Variants in FOXP1 observed in about 807,000 individuals in gnomAD.
FOXP1 encodes the protein forkhead box P1, also known as forkhead box protein P1.
In FOXP1, 15 loss-of-function variants were observed where a neutral mutation model predicts 98.2. That is an observed-to-expected ratio of 0.15 (90% CI 0.10 to 0.24). FOXP1 has a LOEUF of 0.24. Ranked by LOEUF, FOXP1 falls within the 10% of genes least tolerant of loss-of-function variation. The probability of loss-of-function intolerance (pLI) is 1.00; values close to 1 mark genes in which losing one functional copy is unlikely to be tolerated. For missense variants in FOXP1, 633 were observed against 848.5 expected (o/e 0.75, Z 3.15); for synonymous variants, 371 against 314.5 (o/e 1.18, Z -1.90).
At chr3:71,315,402 A>T (rs9790300) in intron 4 of FOXP1, among the ~76,000 whole-genome samples, 60,969 of 151,518 alleles carry the variant, frequency 0.4, 14,351 homozygotes, top group East Asian at 0.89. Flanking sequence ...TTTTGCCAAT[A>T]AAAAAAAAGA....
At chr3:71,001,571 T>G (rs1225821371) in intron 12 of FOXP1, among the ~76,000 whole-genome samples, 2 of 151,664 alleles carry the variant, frequency 1.3e-5, no homozygotes, top group African/African-American at 4.8e-5. Context: ...AGCCTACACA[T>G]GCAAATTATG....
At chr3:70,965,101 T>C (rs1325906227) in intron 20 of FOXP1, among the ~76,000 whole-genome samples, 3 of 152,226 alleles carry the variant, frequency 2.0e-5, no homozygotes, top group Non-Finnish European at 2.9e-5. Context: ...GGAGAGACTG[T>C]CATCCCACAG....
chr3:70,958,228 GA>G lies in FOXP1; in HGVS notation c.*1018del. 2 of 416,810 alleles carry G rather than the reference GA, an allele frequency of 4.8e-6. No homozygotes were observed. Among genetic ancestry groups the G allele is most frequent in the East Asian group, 9.3e-5 (2 of 21,568 alleles). 25.8% of individuals were successfully genotyped at this position (416,810 alleles called of 1,614,324 possible). A position where few individuals can be genotyped will look rare whatever the true frequency, so the allele number is the denominator to read the frequency against. On this transcript the variant is annotated 3_prime_UTR_variant, in exon 21 of 21. Transcript: ENST00000649528. ...AAAAAAAGAAAAGAAAAGAAAAAAA[GA>G]AAATCCGAAACACCCCTCCCCCGAA...
At position 71,049,662 on chromosome 3, in the gene FOXP1, T is replaced by A. The variant is rs556232192; in HGVS notation, c.511-2567A>T. 2.0e-5 allele frequency among the ~76,000 whole-genome samples: 3 copies of A among 152,102 alleles called. No homozygotes were observed. In the South Asian group the frequency reaches 6.2e-4, roughly 32 times the overall value. ...AAAGGGGGTGGGGGGAGCCTGACAA[T>A]ATAAAATTATGAGCCGCTAATGACT... On this transcript the variant is annotated intron_variant, in intron 9 of 20. Coordinates refer to ENST00000649528, the MANE Select transcript of FOXP1 (RefSeq NM_001349338.3).
At chr3:71,271,899 C>G (rs1469603351) in intron 5 of FOXP1, among the ~76,000 whole-genome samples, 12 of 152,188 alleles carry the variant, frequency 7.9e-5, no homozygotes, top group Admixed American at 7.9e-4. Flanking sequence ...AAACTGCTGT[C>G]CAAATTGGTT....
intron 2 of FOXP1, among the ~76,000 whole-genome samples, chr3:71,504,339 T>C (rs914764506): frequency 6.6e-6 from 1 of 152,096 alleles, no homozygotes; most frequent in Non-Finnish European, 1.5e-5. Flanking sequence ...GGCCAGTGAC[T>C]AGTCATCAAG....
At position 71,214,067 on chromosome 3, in the gene FOXP1, A is replaced by T. The variant is rs6786408; in HGVS notation, c.-11-15675T>A. Among the ~76,000 whole-genome samples, 7 of 152,170 alleles carry T rather than the reference A, an allele frequency of 4.6e-5. No individual in the cohort carries two copies. In the East Asian group the frequency reaches 9.7e-4, roughly 21 times the overall value. On this transcript the variant is annotated intron_variant, in intron 5 of 20. Transcript: ENST00000649528. ...TGAACTTGGAATCTGAGAAACAGCC[A>T]GAAGCTGGTGATAAAGCGTACTTAG...
chr3:71,454,957 T>A (rs572312853), intron 3 of FOXP1, among the ~76,000 whole-genome samples: 1 of 152,278 alleles, frequency 6.6e-6, no homozygotes, highest in African/African-American at 2.4e-5. Flanking sequence ...GGAGCTGGTT[T>A]CAATATACTG....
chr3:71,103,438 G>C (rs954477906), intron 7 of FOXP1, among the ~76,000 whole-genome samples: 1 of 152,188 alleles, frequency 6.6e-6, no homozygotes, highest in African/African-American at 2.4e-5. Context: ...AACTTTTCGA[G>C]CTCATCCTAT....
chr3:71,507,503 A>C (rs557809817), intron 2 of FOXP1, among the ~76,000 whole-genome samples: 22 of 152,208 alleles, frequency 1.4e-4, no homozygotes, highest in Non-Finnish European at 2.9e-4. Context: ...GTAAAAACAA[A>C]CAAGGGCATA....
intron 4 of FOXP1, among the ~76,000 whole-genome samples, chr3:71,353,101 A>G (rs1733528): frequency 0.29 from 43,992 of 151,810 alleles, 6,571 homozygotes; most frequent in African/African-American, 0.33. Context: ...AGCTGGCATT[A>G]AAAAATTCAG....
chr3:71,280,283 A>G (rs1216991187), intron 5 of FOXP1, among the ~76,000 whole-genome samples: 3 of 151,894 alleles, frequency 2.0e-5, no homozygotes, highest in South Asian at 2.1e-4. Flanking sequence ...ATTTTAACCT[A>G]TAATCAACAC....
At chr3:71,437,967 G>C (rs1342028708) in intron 3 of FOXP1, among the ~76,000 whole-genome samples, 1 of 152,182 alleles carries the variant, frequency 6.6e-6, no homozygotes, top group Non-Finnish European at 1.5e-5. Context: ...GGGAGGGGTA[G>C]AAAATTAACA....
chr3:71,250,362 A>G (rs2068087457), intron 5 of FOXP1, among the ~76,000 whole-genome samples: 1 of 152,220 alleles, frequency 6.6e-6, no homozygotes, highest in Non-Finnish European at 1.5e-5. Context: ...GGTAGCCAAT[A>G]GCCACATGAG....
intron 2 of FOXP1, among the ~76,000 whole-genome samples, chr3:71,509,463 T>A (rs915161619): frequency 2.0e-5 from 3 of 152,204 alleles, no homozygotes; most frequent in African/African-American, 7.2e-5. Flanking sequence ...ATCTCATTTT[T>A]AATTTAATTA....
intron 2 of FOXP1, among the ~76,000 whole-genome samples, chr3:71,534,091 C>T (rs906159934): frequency 3.3e-5 from 5 of 152,156 alleles, no homozygotes; most frequent in Non-Finnish European, 5.9e-5. Flanking sequence ...CAGCTGTGCG[C>T]GGTGGCAAAC....
chr3:71,042,222 A>T (rs2106887088), intron 10 of FOXP1, among the ~76,000 whole-genome samples: 1 of 152,326 alleles, frequency 6.6e-6, no homozygotes, highest in South Asian at 2.1e-4. Context: ...TTCTTAGATC[A>T]ATGGTAATGA....
chr3:71,397,119 T>G (rs901787000), intron 3 of FOXP1, among the ~76,000 whole-genome samples: 8 of 139,112 alleles, frequency 5.8e-5, no homozygotes, highest in African/African-American at 2.2e-4. Context: ...TATATGTGTA[T>G]ATATACACAT....
chr3:71,237,099 G>A (rs1464385499), intron 5 of FOXP1, among the ~76,000 whole-genome samples: 2 of 150,244 alleles, frequency 1.3e-5, no homozygotes, highest in Non-Finnish European at 3.0e-5. Flanking sequence ...AGGCGTGGTG[G>A]TGCACGCCTG....
Sources: allele counts gnomAD v4.1 joint callset (sites outside exome capture counted in the v4.1 genomes callset), GRCh38; gene constraint gnomAD v4.1.1; transcripts MANE v1.5; gene names NCBI Gene and HGNC (gene_info 2026-07-23, HGNC 2026-07-21).